The following SOX5 variants were observed in gnomAD, a reference collection of about 807,000 sequenced individuals.
SOX5 encodes the protein transcription factor SOX-5.
SOX5 carries 9 observed loss-of-function variants against 92.0 expected under a neutral mutation model. That is an observed-to-expected ratio of 0.10 (90% CI 0.06 to 0.17). The LOEUF is 0.17. SOX5 is among the 10% of genes least tolerant of loss of function. The pLI, the probability that SOX5 is intolerant of heterozygous loss-of-function variation, is 1.00. For missense variants in SOX5, 642 were observed against 944.5 expected, an observed-to-expected ratio of 0.68 and a Z score of 4.20; for synonymous variants, 344 against 336.3, an observed-to-expected ratio of 1.02 and a Z score of -0.25.
intron 2 of SOX5, among the ~76,000 whole-genome samples, chr12:24,314,514 A>G (rs1020870017): frequency 6.6e-6 from 1 of 151,608 alleles, no homozygotes; most frequent in Admixed American, 6.6e-5. Context: ...TTAAAGTATA[A>G]TAAAAATAAA....
chr12:23,850,605 T>C (rs973694203), intron 2 of SOX5, among the ~76,000 whole-genome samples: 2 of 152,016 alleles, frequency 1.3e-5, no homozygotes, highest in Admixed American at 1.3e-4. Flanking sequence ...TGAAACTAAA[T>C]TTCACTACTT....
At position 24,393,645 on chromosome 12, in the gene SOX5, A is replaced by G. The variant is rs1021878625; in HGVS notation, c.-250-25006T>C. ...TTTTATACGGATTACGCTTTAAGAC[A>G]TGGCCCTTGTCATGGAAACTAGTGC... On this transcript the variant is annotated intron_variant, in intron 1 of 4. Transcript: ENST00000446891. This position sits in a 1 kb window ranked among gnomAD's most constrained non-coding sequence, Gnocchi z 5.0. Among the ~76,000 whole-genome samples, 1 of 152,242 alleles carries G rather than the reference A, an allele frequency of 6.6e-6. No homozygotes were observed. The highest frequency in any genetic ancestry group is 2.4e-5 in the African/African-American group (1 of 41,466).
intron 3 of SOX5, among the ~76,000 whole-genome samples, chr12:23,828,124 C>A (rs935189760): frequency 6.6e-6 from 1 of 152,044 alleles, no homozygotes; most frequent in Non-Finnish European, 1.5e-5. Flanking sequence ...TGTAGATACA[C>A]AAATACTTAC....
intron 4 of SOX5, among the ~76,000 whole-genome samples, chr12:24,086,887 C>A (rs893693224): frequency 7.2e-5 from 11 of 152,024 alleles, no homozygotes; most frequent in African/African-American, 2.4e-4. Context: ...ATATTATGTT[C>A]ATTTACTCGA....
intron 8 of SOX5, among the ~76,000 whole-genome samples, chr12:23,605,015 A>C (rs1395183649): frequency 8.9e-6 from 1 of 112,854 alleles, no homozygotes; most frequent in Non-Finnish European, 1.9e-5. Context: ...AGTACAGAAA[A>C]GGCACTGAAA....
intron 1 of SOX5, among the ~76,000 whole-genome samples, chr12:24,462,440 A>C (rs1943747330): frequency 6.6e-6 from 1 of 152,198 alleles, no homozygotes. Flanking sequence ...TATTATTGTC[A>C]TGTTATTATA....
chr12:24,032,280 GT>G (rs1482806419), intron 4 of SOX5, among the ~76,000 whole-genome samples: 2 of 151,480 alleles, frequency 1.3e-5, no homozygotes, highest in Non-Finnish European at 3.0e-5. Flanking sequence ...AAAAAAAAAG[GT>G]ATCATTACAA....
Position 24,528,011 on chromosome 12 carries a change from C to CA in SOX5, c.-251+34317dup, listed in dbSNP as rs1312841525. Among the ~76,000 whole-genome samples the CA allele has an allele frequency of 2.0e-5, 3 of 152,316 alleles. No individual in the cohort carries two copies. The East Asian group carries it at 5.8e-4, about 29-fold the overall frequency. ...CTGACACTAGCAAAACATTCATTTA[C>CA]AAAAAGCTGTCTTCATCACACACTT... On this transcript the variant is annotated intron_variant, in intron 1 of 4. Coordinates refer to the SOX5 transcript ENST00000446891.
At chr12:24,360,276 A>G (rs561153103) in intron 2 of SOX5, among the ~76,000 whole-genome samples, 3 of 152,348 alleles carry the variant, frequency 2.0e-5, no homozygotes, top group African/African-American at 7.2e-5. Flanking sequence ...GCAGAGAAAA[A>G]TATCTGTAAA....
chr12:23,608,408 A>C (rs1315808889), intron 8 of SOX5, among the ~76,000 whole-genome samples: 2 of 152,204 alleles, frequency 1.3e-5, no homozygotes, highest in Non-Finnish European at 2.9e-5. Flanking sequence ...TGATTAGGTT[A>C]GAATTTATTA....
chr12:24,470,884 AG>A (rs1358276002), intron 1 of SOX5, among the ~76,000 whole-genome samples: 1 of 152,192 alleles, frequency 6.6e-6, no homozygotes, highest in African/African-American at 2.4e-5. Context: ...AATGAATCCA[AG>A]GGTTAATCAT....
intron 2 of SOX5, among the ~76,000 whole-genome samples, chr12:24,303,968 G>C (rs892947817): frequency 5.3e-5 from 8 of 152,106 alleles, no homozygotes; most frequent in Admixed American, 3.3e-4. Flanking sequence ...ACATAATGTT[G>C]AGGCTACAGC....
intron 10 of SOX5, among the ~76,000 whole-genome samples, chr12:23,570,931 ATATATATATATAT>A (rs1403397092): frequency 0.033 from 540 of 16,540 alleles, 28 homozygotes; most frequent in Admixed American, 0.056. Flanking sequence ...AAAAAAAAAA[ATATATATATATAT>A]ATATATATAT....
At chr12:24,432,609 C>T (rs772147686) in intron 1 of SOX5, among the ~76,000 whole-genome samples, 4 of 152,038 alleles carry the variant, frequency 2.6e-5, no homozygotes, top group East Asian at 1.9e-4. Flanking sequence ...GTCAGGAGAT[C>T]GAGACCATCC....
intron 2 of SOX5, among the ~76,000 whole-genome samples, chr12:24,328,459 G>C (rs928337085): frequency 6.6e-6 from 1 of 152,134 alleles, no homozygotes; most frequent in Non-Finnish European, 1.5e-5. Flanking sequence ...TTGGGTAGTT[G>C]ACATTCAATC....
intron 3 of SOX5, among the ~76,000 whole-genome samples, chr12:24,219,038 T>C (rs989544362): frequency 6.6e-6 from 1 of 152,062 alleles, no homozygotes; most frequent in African/African-American, 2.4e-5. Context: ...TTTTAGAATT[T>C]TGTAAAACCA....
At chr12:23,712,937 G>C (rs1486917286) in intron 6 of SOX5, among the ~76,000 whole-genome samples, 1 of 152,098 alleles carries the variant, frequency 6.6e-6, no homozygotes, top group Non-Finnish European at 1.5e-5. Context: ...AATTTTAATA[G>C]CTGTAGTAGG....
intron 4 of SOX5, among the ~76,000 whole-genome samples, chr12:24,057,803 G>C (rs1275056166): frequency 2.6e-5 from 4 of 152,034 alleles, no homozygotes; most frequent in Non-Finnish European, 5.9e-5. Flanking sequence ...TAGTTCATTT[G>C]TGATTTGAGG....
At chr12:24,503,985 A>C (rs2138178949) in intron 1 of SOX5, among the ~76,000 whole-genome samples, 1 of 151,990 alleles carries the variant, frequency 6.6e-6, no homozygotes, top group South Asian at 2.1e-4. Context: ...AAAAAAAAAC[A>C]ACACATTTTG....
Sources: gnomAD v4.1 joint callset for allele counts (sites outside exome capture counted in the v4.1 genomes callset) on GRCh38, gnomAD v4.1.1 for gene constraint, Gnocchi (gnomAD v3.1) non-coding constraint, MANE v1.5 for transcripts, NCBI Gene and HGNC (gene_info 2026-07-23, HGNC 2026-07-21) for gene names.